RPSA2: variants seen among roughly 807,000 people sequenced by gnomAD.
RPSA2 encodes ribosomal protein SA 2, also known as small ribosomal subunit protein uS2B.
chr19:23,805,267 C>T, the RPSA2 span, among the ~76,000 whole-genome samples: 6 of 152,102 alleles, frequency 3.9e-5, no homozygotes, highest in Middle Eastern at 6.8e-3. Context: ...CGCGTTCAAG[C>T]GATTCTCCTC....
At chr19:23,859,151 AATTT>A in the RPSA2 span, among the ~76,000 whole-genome samples, 2 of 152,140 alleles carry the variant, frequency 1.3e-5, no homozygotes, top group African/African-American at 2.4e-5. Flanking sequence ...AAAACTAATT[AATTT>A]ATTAGTTAAA....
At chr19:23,869,802 A>G in the RPSA2 span, among the ~76,000 whole-genome samples, 3 of 152,170 alleles carry the variant, frequency 2.0e-5, no homozygotes, top group Non-Finnish European at 4.4e-5. Flanking sequence ...TCCGGGTAGG[A>G]ACACTCTCTA....
At chr19:23,858,753 C>G in the RPSA2 span, among the ~76,000 whole-genome samples, 1 of 152,158 alleles carries the variant, frequency 6.6e-6, no homozygotes, top group Non-Finnish European at 1.5e-5. Context: ...TCTTTGTAAA[C>G]CAGATGTAGA....
chr19:23,861,133 C>T, the RPSA2 span, among the ~76,000 whole-genome samples: 2 of 152,292 alleles, frequency 1.3e-5, no homozygotes, highest in African/African-American at 4.8e-5. Context: ...TCACTCATAT[C>T]ACATGTTATG....
At chr19:23,810,975 C>T in the RPSA2 span, among the ~76,000 whole-genome samples, 1 of 150,888 alleles carries the variant, frequency 6.6e-6, no homozygotes, top group African/African-American at 2.4e-5. Flanking sequence ...TCACAACTCC[C>T]TTCCTGGATC....
At chr19:23,858,833 A>G in the RPSA2 span, among the ~76,000 whole-genome samples, 100 of 152,328 alleles carry the variant, frequency 6.6e-4, no homozygotes, top group African/African-American at 2.1e-3. Context: ...TGGGGCAGCC[A>G]GGTTTCTCAT....
the RPSA2 span, among the ~76,000 whole-genome samples, chr19:23,822,169 T>G: frequency 6.6e-6 from 1 of 152,198 alleles, no homozygotes; most frequent in South Asian, 2.1e-4. Flanking sequence ...GAGACCTTCC[T>G]TATATTGATT....
chr19:23,801,404 A>T, the RPSA2 span, among the ~76,000 whole-genome samples: 1 of 151,978 alleles, frequency 6.6e-6, no homozygotes, highest in Non-Finnish European at 1.5e-5. Context: ...ACACCTGGCT[A>T]ATTTTGTATT....
At chr19:23,854,411 GA>G in the RPSA2 span, among the ~76,000 whole-genome samples, 1 of 152,188 alleles carries the variant, frequency 6.6e-6, no homozygotes, top group Non-Finnish European at 1.5e-5. Flanking sequence ...AAGAGGCTGG[GA>G]CCCACCTGGG....
the RPSA2 span, chr19:23,798,846 A>G: frequency 1.5e-4 from 1 of 6,536 alleles, no homozygotes; most frequent in Non-Finnish European, 4.4e-3. Context: ...CCACCCAAAA[A>G]CTGTAGTAGC....
chr19:23,775,489 G>A, the RPSA2 span, among the ~76,000 whole-genome samples: 29 of 152,166 alleles, frequency 1.9e-4, no homozygotes, highest in Non-Finnish European at 3.4e-4. Context: ...CGACTCTCAC[G>A]TGTACCTTAT....
chr19:23,829,381 A>G, the RPSA2 span, among the ~76,000 whole-genome samples: 147,789 of 152,268 alleles, frequency 0.97, 71,885 homozygotes, highest in Middle Eastern at 1. Context: ...GGCTCACCGC[A>G]ATCTCCGCCT....
chr19:23,865,344 G>T, the RPSA2 span, among the ~76,000 whole-genome samples: 2 of 152,204 alleles, frequency 1.3e-5, no homozygotes, highest in South Asian at 2.1e-4. Flanking sequence ...TCTGCAGGAG[G>T]TTATTACACA....
chr19:23,761,924 T>TCC, the RPSA2 span, among the ~76,000 whole-genome samples: 1,698 of 47,988 alleles, frequency 0.035, 172 homozygotes, highest in East Asian at 0.16. Flanking sequence ...TTCTTTCTTT[T>TCC]TTTTTTTTTT....
chr19:23,844,176 T>G, the RPSA2 span, among the ~76,000 whole-genome samples: 5 of 152,200 alleles, frequency 3.3e-5, no homozygotes, highest in Non-Finnish European at 7.3e-5. Flanking sequence ...AATATATCTA[T>G]TGGTCATTTG....
chr19:23,773,507 C>T, the RPSA2 span, among the ~76,000 whole-genome samples: 1 of 152,168 alleles, frequency 6.6e-6, no homozygotes, highest in Non-Finnish European at 1.5e-5. Context: ...TGGTCTCGAT[C>T]TCCTGACCTC....
chr19:23,822,392 A>T, the RPSA2 span, among the ~76,000 whole-genome samples: 1 of 152,184 alleles, frequency 6.6e-6, no homozygotes, highest in Non-Finnish European at 1.5e-5. Context: ...CCTTCGTGTT[A>T]AACAGCGTTA....
At chr19:23,856,733 G>A in the RPSA2 span, among the ~76,000 whole-genome samples, 94 of 152,230 alleles carry the variant, frequency 6.2e-4, no homozygotes, top group African/African-American at 1.0e-3. Flanking sequence ...CAGCTGGGCC[G>A]CTGGGGGTGA....
chr19:23,857,355 A>G, the RPSA2 span, among the ~76,000 whole-genome samples: 1 of 152,120 alleles, frequency 6.6e-6, no homozygotes, highest in South Asian at 2.1e-4. Context: ...GAAGTGGTAA[A>G]TATCCATGAA....
Sources: allele counts gnomAD v4.1 joint callset (sites outside exome capture counted in the v4.1 genomes callset), GRCh38; gene constraint gnomAD v4.1.1; transcripts MANE v1.5; gene names NCBI Gene and HGNC (gene_info 2026-07-23, HGNC 2026-07-21).